The following LILRA6 variants were observed in gnomAD, a reference collection of about 807,000 sequenced individuals.
The protein encoded by LILRA6 is leukocyte immunoglobulin-like receptor subfamily A member 6.
A neutral mutation model predicts 53.9 loss-of-function variants in LILRA6; 16 were observed. The observed-to-expected ratio is 0.30, with a 90% CI of 0.20 to 0.45. The LOEUF (loss-of-function observed/expected upper bound fraction) is 0.45. Ranked by LOEUF, LILRA6 falls within the 20% of genes least tolerant of loss-of-function variation. The probability of loss-of-function intolerance (pLI) is 1.00; values close to 1 mark genes in which losing one functional copy is unlikely to be tolerated. For missense variants in LILRA6, 306 were observed against 618.6 expected (o/e 0.49, Z 5.36); for synonymous variants, 135 against 256.4 (o/e 0.53, Z 4.52).
downstream of LILRA6, chr19:54,238,498 CCCT>C (rs1379929262): frequency 6.0e-6 from 1 of 166,514 alleles, no homozygotes; most frequent in Non-Finnish European, 1.3e-5. Context: ...CAACATTGAT[CCCT>C]CTCTTCAGGA....
At position 54,240,917 on chromosome 19, in the gene LILRA6, T is replaced by A; in HGVS notation, c.869A>T (p.His290Leu). 1.9e-6 allele frequency: 3 copies of A among 1,614,074 alleles called. No individual in the cohort carries two copies. In the South Asian group the frequency reaches 3.3e-5, roughly 18 times the overall value. Residue 290 changes from histidine (H) to leucine (L), a missense_variant, in exon 5 of 8, where the codon CAC (histidine) becomes CTC (leucine). His to Leu is a moderately conservative substitution (Grantham distance 99). Around this residue, in one of 9 missense-constraint regions of LILRA6, gnomAD observed 106 missense variants for 196.8 expected, o/e 0.54. Transcript: ENST00000396365. ...ACCATAGCACCTGTACTGGCCCCCG[T>A]GGGAGGGGCTCACAGGGCCCAGGGT...
Position 54,240,415 on chromosome 19 carries a change from C to T in LILRA6, c.1117G>A (p.Gly373Arg), listed in dbSNP as rs371349686. ...AATTCAGCCTGGTACTTATGAGCTCCGTACATTGATCTCAGACGCAGTGGG... is the reference window on the plus strand; with the variant it reads ...AATTCAGCCTGGTACTTATGAGCTCTGTACATTGATCTCAGACGCAGTGGG... Residue 373 changes from glycine (G) to arginine (R), a missense_variant, in exon 6 of 8, where the codon GGA (glycine) becomes AGA (arginine). By Grantham distance (125) the Gly-to-Arg change is moderately radical. Coordinates refer to ENST00000396365, the Ensembl canonical transcript of LILRA6. The T allele has an allele frequency of 2.0e-4, 323 of 1,579,504 alleles. No individual in the cohort carries two copies. In the African/African-American group the frequency reaches 3.4e-3, roughly 17 times the overall value.
rs2078770197 is a variant in LILRA6, at chr19:54,241,779, TG to T, written c.454del (p.His152IlefsTer4). On this transcript the variant is annotated frameshift_variant, in exon 4 of 8. Coordinates refer to ENST00000396365, the Ensembl canonical transcript of LILRA6. LOFTEE classifies it high-confidence loss of function. ...TTCTCCTTCCTTCATCAGAACAAAA[TG>T]GTGATATCCCTTCTGTGAGCCACAT... The T allele has an allele frequency of 7.2e-7, 1 of 1,385,714 alleles. No individual in the cohort carries two copies. Among genetic ancestry groups the T allele is most frequent in the Non-Finnish European group, 9.9e-7 (1 of 1,010,024 alleles). The allele number at this position is 1,385,714 out of a possible 1,614,324, so 85.8% of individuals were successfully genotyped here.
At position 54,240,444 on chromosome 19, in the gene LILRA6, T is replaced by C; in HGVS notation, c.1088A>G (p.His363Arg). The change falls in exon 6 of 8, where the codon CAT (histidine) becomes CGT (arginine). Residue 363 changes from histidine to arginine, a missense_variant. Physicochemically the swap from His to Arg is conservative, Grantham distance 29. This residue lies in a region of LILRA6 where 106 missense variants were observed against 196.8 expected (regional missense o/e 0.54). Transcript: ENST00000396365. ...CATTGATCTCAGACGCAGTGGGGGA[T>C]GGGCTGCCCCTTCTTTGGTCAGAAG... is the stretch of plus-strand genomic sequence containing the variant. 4 of 1,602,972 alleles carry C rather than the reference T, an allele frequency of 2.5e-6. 1 individual carries two copies. The South Asian group carries it at 4.7e-5, about 19-fold the overall frequency.
At position 54,239,035 on chromosome 19, in the gene LILRA6, C is replaced by A. The variant is rs373043193; in HGVS notation, c.1364G>T (p.Gly455Val). ...AATCCCGAGGAACACCAGGACCAAG[C>A]CTGCCATGCCCATGCGGATGAGATT... is the stretch of plus-strand genomic sequence containing the variant. Residue 455 changes from glycine to valine, a missense_variant, in exon 8 of 8, where the codon GGC becomes GTC. Coordinates refer to ENST00000396365, the Ensembl canonical transcript of LILRA6. The A allele has an allele frequency of 1.3e-5, 21 of 1,611,250 alleles. 2 individuals are homozygous for A. The highest frequency in any genetic ancestry group is 1.6e-5 in the Non-Finnish European group (19 of 1,179,476).
At chr19:54,240,776 C>A in intron 5 of LILRA6, 55 bp downstream of exon 5, 2 of 1,607,942 alleles carry the variant, frequency 1.2e-6, no homozygotes, top group South Asian at 1.1e-5. Context: ...CTGGGCTCCC[C>A]CGGCAGGGCC....
chr19:54,239,861 T>TG lies in LILRA6; in HGVS notation c.1309+39dup, dbSNP rs2078701658. On this transcript the variant is annotated intron_variant, in intron 7 of 7. Transcript: ENST00000396365. ...ATCCTTTGGGAGACTCAGACTGCCC[T>TG]GGGGGAGGCGGCGCTCCCCACGAGG... 5 of 1,551,390 alleles carry TG rather than the reference T, an allele frequency of 3.2e-6. No individual in the cohort carries two copies. The Admixed American group carries it at 7.8e-5, about 24-fold the overall frequency.
At position 54,241,674 on chromosome 19, in the gene LILRA6, TTCACGGGGCCCACAGGGAACAGGGCCTG is replaced by T. The variant is rs2078766889; in HGVS notation, c.532_559del (p.Gln178ThrfsTer15). 1.4e-6 allele frequency: 2 copies of T among 1,423,660 alleles called. 1 individual carries two copies. Among genetic ancestry groups the T allele is most frequent in the Non-Finnish European group, 1.9e-6 (2 of 1,061,860 alleles). The allele number at this position is 1,423,660 out of a possible 1,614,324, so 88.2% of individuals were successfully genotyped here. A position where few individuals can be genotyped will look rare whatever the true frequency, so the allele number is the denominator to read the frequency against. On this transcript the variant is annotated frameshift_variant, in exon 4 of 8. Coordinates refer to ENST00000396365, the Ensembl canonical transcript of LILRA6. LOFTEE classifies it high-confidence loss of function. Reference sequence around the variant, plus strand: ...TGTGAACCTCCACCTGTGGCTGGGGTTCACGGGGCCCACAGGGAACAGGGCCTGGAACCCCCCACTGTGGAGCTGCTGT... The same window carrying T: ...TGTGAACCTCCACCTGTGGCTGGGGTGAACCCCCCACTGTGGAGCTGCTGT...
At chr19:54,239,214 C>T (rs1445061890) in intron 7 of LILRA6, 125 bp from the exon 8 acceptor site, 18 of 1,557,212 alleles carry the variant, frequency 1.2e-5, no homozygotes, top group East Asian at 2.3e-5. Flanking sequence ...TGTGCCCGCC[C>T]CATAACTGTC....
intron 4 of LILRA6, 90 bp downstream of exon 4, chr19:54,241,484 CTG>C: frequency 1.5e-6 from 2 of 1,318,196 alleles, no homozygotes; most frequent in South Asian, 2.8e-5. Context: ...ACACATCACT[CTG>C]GGTCCTTTCC....
chr19:54,239,711 A>G (rs2078696176), intron 7 of LILRA6, 190 bp downstream of exon 7: 1 of 1,549,130 alleles, frequency 6.5e-7, no homozygotes. Flanking sequence ...TGCTCCCCAC[A>G]TCAGCCCGGC....
intron 7 of LILRA6, chr19:54,239,337 C>T (rs2078685735): frequency 2.4e-6 from 3 of 1,252,804 alleles, no homozygotes; most frequent in Middle Eastern, 2.7e-4. Context: ...TCTTCCAGGC[C>T]TCATGACGTG....
chr19:54,238,721 A>T, exon 8 of LILRA6: 2 of 659,352 alleles, frequency 3.0e-6, no homozygotes, highest in Non-Finnish European at 4.7e-6. Flanking sequence ...GAAGCACTTC[A>T]CACTCACCCA....
intron 4 of LILRA6, 98 bp from the exon 5 acceptor site, chr19:54,241,225 C>T: frequency 7.6e-7 from 1 of 1,310,028 alleles, no homozygotes; most frequent in South Asian, 1.6e-5. Flanking sequence ...CTCTCATGCT[C>T]TGAGTCTCTG....
chr19:54,241,664 G>A (rs2078766454), exon 4 of LILRA6: 3 of 1,512,032 alleles, frequency 2.0e-6, no homozygotes, highest in Non-Finnish European at 2.7e-6. Context: ...ACCTCCACCT[G>A]TGGCTGGGGT....
exon 8 of LILRA6, chr19:54,239,064 C>T: frequency 6.2e-7 from 1 of 1,611,448 alleles, no homozygotes; most frequent in Non-Finnish European, 8.5e-7. Flanking sequence ...TGAGATTCTC[C>T]ACTGTGTAAT....
chr19:54,238,276 TCCGCCCGCCTCAGCC>T (rs1173197210), downstream of LILRA6: 1 of 150,854 alleles, frequency 6.6e-6, no homozygotes, highest in Admixed American at 6.6e-5. Flanking sequence ...TGAACTCGTG[TCCGCCCGCCTCAGCC>T]TCCCAAAGTG....
chr19:54,239,184 A>C lies in LILRA6; in HGVS notation c.1310-95T>G. 3.8e-6 allele frequency: 6 copies of C among 1,586,238 alleles called. No homozygotes were observed. The South Asian group carries it at 5.7e-5, about 15-fold the overall frequency. ...CAACCCAGGGCACCCCCCATCCGCC[A>C]TTGACAGAACCTGACCCTCTGTGCC... On this transcript the variant is annotated intron_variant, in intron 7 of 7. Transcript: ENST00000396365.
intron 7 of LILRA6, 174 bp downstream of exon 7, chr19:54,239,727 C>G (rs1453258499): frequency 6.5e-7 from 1 of 1,550,180 alleles, no homozygotes; most frequent in Non-Finnish European, 8.7e-7. Context: ...CCGGCTCCTC[C>G]TCCTGGCTGG....
Sources: allele counts gnomAD v4.1 joint callset, GRCh38; gene constraint gnomAD v4.1.1; regional missense constraint gnomAD v4.1.1; transcripts MANE v1.5; gene names NCBI Gene and HGNC (gene_info 2026-07-23, HGNC 2026-07-21).